The following FMN2 variants were observed in gnomAD, a reference collection of about 807,000 sequenced individuals.
FMN2 encodes the protein formin-2.
FMN2 carries 51 observed loss-of-function variants against 142.3 expected under a neutral mutation model. The ratio of observed to expected loss-of-function variants is 0.36; its 90% CI spans 0.29 to 0.45. The LOEUF is 0.45. Ranked by LOEUF, FMN2 falls within the 20% of genes least tolerant of loss-of-function variation. FMN2 has a pLI of 1.00. For synonymous variants in FMN2, 882 were observed against 869.8 expected (o/e 1.01, Z -0.25); for missense variants, 1,936 against 2,122.8 (o/e 0.91, Z 1.73).
intron 15 of FMN2, among the ~76,000 whole-genome samples, chr1:240,412,747 G>T (rs1294649996): frequency 2.0e-5 from 3 of 152,084 alleles, no homozygotes; most frequent in Non-Finnish European, 4.4e-5. Context: ...ATTTGGGAGG[G>T]TAGGAGATGG....
At chr1:240,321,248 C>G (rs919588182) in intron 8 of FMN2, among the ~76,000 whole-genome samples, 2 of 151,342 alleles carry the variant, frequency 1.3e-5, no homozygotes, top group Admixed American at 1.3e-4. Context: ...TTTTCTTGAA[C>G]AAAGTAAGCC....
intron 6 of FMN2, among the ~76,000 whole-genome samples, chr1:240,256,493 C>T (rs115685994): frequency 2.0e-5 from 3 of 150,844 alleles, no homozygotes; most frequent in Admixed American, 1.3e-4. Flanking sequence ...TATTTCAACA[C>T]TTTGGGAGGC....
intron 16 of FMN2, among the ~76,000 whole-genome samples, chr1:240,451,867 C>T (rs1676059884): frequency 6.6e-6 from 1 of 151,938 alleles, no homozygotes; most frequent in African/African-American, 2.4e-5. Flanking sequence ...TAATATTTCT[C>T]TTGTTTTATA....
intron 2 of FMN2, among the ~76,000 whole-genome samples, chr1:240,132,203 C>A (rs1041132406): frequency 6.6e-6 from 1 of 152,120 alleles, no homozygotes; most frequent in African/African-American, 2.4e-5. Context: ...CTTTTGACAT[C>A]TAGAATTTGT....
chr1:240,195,436 C>T (rs985354000), intron 4 of FMN2, among the ~76,000 whole-genome samples: 2 of 152,138 alleles, frequency 1.3e-5, no homozygotes, highest in Non-Finnish European at 2.9e-5. Context: ...TGTGATGTGC[C>T]TTGTGGCAAA....
chr1:240,213,111 TTAAAC>T (rs1187045100), intron 6 of FMN2, among the ~76,000 whole-genome samples: 2 of 152,182 alleles, frequency 1.3e-5, no homozygotes, highest in African/African-American at 4.8e-5. Flanking sequence ...AAACTTCACA[TTAAAC>T]TAGTTGGCAT....
chr1:240,110,995 T>G (rs1229083950), intron 1 of FMN2, among the ~76,000 whole-genome samples: 3 of 152,220 alleles, frequency 2.0e-5, no homozygotes, highest in African/African-American at 7.2e-5. Flanking sequence ...CAACTTATGA[T>G]TTCCTTCTTT....
chr1:240,195,864 T>C (rs1056049551), intron 4 of FMN2, among the ~76,000 whole-genome samples: 17 of 151,282 alleles, frequency 1.1e-4, no homozygotes, highest in Non-Finnish European at 1.0e-4. Flanking sequence ...CCAATAATAA[T>C]AAAAAAAACA....
chr1:240,192,285 A>G (rs1256017947), intron 4 of FMN2, among the ~76,000 whole-genome samples: 1 of 152,204 alleles, frequency 6.6e-6, no homozygotes, highest in East Asian at 1.9e-4. Context: ...GGTCTTGGTT[A>G]CTCAGAAACA....
intron 8 of FMN2, among the ~76,000 whole-genome samples, chr1:240,302,256 A>C (rs1255652811): frequency 2.6e-5 from 4 of 151,982 alleles, no homozygotes. Context: ...TACAAATTGA[A>C]TAGTTATGTT....
rs775688107 is a variant in FMN2 at position 240,092,087 on chromosome 1, C to A, written c.-23C>A. 3.3e-6 allele frequency: 5 copies of A among 1,535,414 alleles called. No homozygotes were observed. In the South Asian group the frequency reaches 6.1e-5, roughly 19 times the overall value. ...GATGGCCTGAGTGCCCGCGGCGCGG[C>A]GGCGCAGCAGCGGGATTGCACCATG... On this transcript the variant is annotated 5_prime_UTR_variant, in exon 1 of 18. Coordinates refer to ENST00000319653, the MANE Select transcript of FMN2 (RefSeq NM_020066.5).
chr1:240,378,442 T>C (rs1041930102), intron 14 of FMN2, among the ~76,000 whole-genome samples: 1 of 152,188 alleles, frequency 6.6e-6, no homozygotes, highest in African/African-American at 2.4e-5. Context: ...GGAGCCACCA[T>C]GTCTGGCTGT....
chr1:240,184,946 C>CT (rs1300335726), intron 3 of FMN2, among the ~76,000 whole-genome samples: 4 of 143,642 alleles, frequency 2.8e-5, no homozygotes, highest in African/African-American at 7.7e-5. Context: ...CCTCCTATAC[C>CT]TTCCCCTTCT....
In FMN2 at chr1:240,093,399, T is replaced by C; in HGVS notation, c.1290T>C (p.Asn430=). ...CCACCCGGCAGCTCAGCTCGCCCAA[T>C]CACTCCCCGTCTCAGTCCCCTAATC... ...KTTTRQLSSP[N]HSPSQSPNQS... Residue 430 remains asparagine, a synonymous_variant, in exon 1 of 18, where the codon AAT becomes AAC. Coordinates refer to ENST00000319653, the MANE Select transcript of FMN2 (RefSeq NM_020066.5). 1 of 1,613,312 alleles carries C rather than the reference T, an allele frequency of 6.2e-7. No individual in the cohort carries two copies. The highest frequency in any genetic ancestry group is 1.1e-5 in the South Asian group (1 of 91,014).
intron 1 of FMN2, among the ~76,000 whole-genome samples, chr1:240,108,288 T>A (rs1661687901): frequency 6.6e-6 from 1 of 152,210 alleles, no homozygotes; most frequent in African/African-American, 2.4e-5. Context: ...TAGATATTTA[T>A]CCTTGTAGCA....
chr1:240,172,732 GT>G (rs1312453014), intron 2 of FMN2, among the ~76,000 whole-genome samples: 1 of 151,912 alleles, frequency 6.6e-6, no homozygotes, highest in Non-Finnish European at 1.5e-5. Flanking sequence ...TTACCAATAG[GT>G]TTAGACATAC....
At chr1:240,185,143 A>AACTTCC (rs1572034099) in intron 3 of FMN2, among the ~76,000 whole-genome samples, 1 of 76,642 alleles carries the variant, frequency 1.3e-5, no homozygotes, top group East Asian at 3.0e-4. Context: ...TCCCTCCTAT[A>AACTTCC]CCTTCCCCTT....
intron 2 of FMN2, chr1:240,143,320 G>C (rs781357052): frequency 1.3e-6 from 2 of 1,508,518 alleles, no homozygotes; most frequent in Non-Finnish European, 1.8e-6. Context: ...TAAAGGTACA[G>C]CCCTCCGGAG....
At position 240,170,297 on chromosome 1, in the gene FMN2, C is replaced by A. The variant is rs181370976; in HGVS notation, c.1783-7624C>A. 524 of 1,090,514 alleles carry A rather than the reference C, an allele frequency of 4.8e-4. 4 individuals carry two copies. In the African/African-American group the frequency reaches 7.3e-3, roughly 15 times the overall value. The allele number at this position is 1,090,514 out of a possible 1,614,324, so 67.6% of individuals were successfully genotyped here. Reference sequence around the variant, plus strand: ...GTTTGAATCAAGATCATTGCCACTGCAGTTTGCCATACCAATGCCTATACC... The same window carrying A: ...GTTTGAATCAAGATCATTGCCACTGAAGTTTGCCATACCAATGCCTATACC... On this transcript the variant is annotated intron_variant, in intron 2 of 17. Transcript: ENST00000319653.
Sources: gnomAD v4.1 joint callset for allele counts (sites outside exome capture counted in the v4.1 genomes callset) on GRCh38, gnomAD v4.1.1 for gene constraint, MANE v1.5 for transcripts, NCBI Gene and HGNC (gene_info 2026-07-23, HGNC 2026-07-21) for gene names.